SPRED2: variants seen among roughly 807,000 people sequenced by gnomAD.
SPRED2 encodes sprouty related EVH1 domain containing 2, also known as sprouty-related, EVH1 domain-containing protein 2.
A neutral mutation model predicts 43.0 loss-of-function variants in SPRED2; 47 were observed. The observed-to-expected ratio is 1.09, with a 90% confidence interval of 0.87 to 1.40. The LOEUF (loss-of-function observed/expected upper bound fraction) is 1.40, where lower values mean the gene tolerates loss of function less well. SPRED2 is among the 40% of genes most tolerant of loss of function. SPRED2 has a pLI of 0.00. For synonymous variants in SPRED2, 225 were observed against 225.7 expected (o/e 1.00, Z 0.03); for missense variants, 561 against 586.4 (o/e 0.96, Z 0.45).
rs190182681 is a variant in SPRED2, at chr2:65,344,664, C to T, written c.204+55G>A. The T allele has an allele frequency of 9.1e-5, 145 of 1,589,034 alleles. No individual in the cohort carries two copies. The East Asian group carries it at 2.7e-3, about 29-fold the overall frequency. ...TTAAGGAAAGAGGACTATGATTTAACGTAAAGAAAGCAGTTGTTACTAATT... is the reference window on the plus strand; with the variant it reads ...TTAAGGAAAGAGGACTATGATTTAATGTAAAGAAAGCAGTTGTTACTAATT... On this transcript the variant is annotated intron_variant, in intron 2 of 5. Coordinates refer to ENST00000356388, the MANE Select transcript of SPRED2 (RefSeq NM_181784.3).
At chr2:65,334,537 T>C in intron 3 of SPRED2, 68 bp downstream of exon 3, 1 of 1,565,236 alleles carries the variant, frequency 6.4e-7, no homozygotes, top group South Asian at 1.2e-5. Flanking sequence ...GATGGCAGAC[T>C]ATTGGAATTA....
At chr2:65,398,276 A>G (rs1013599097) in intron 1 of SPRED2, among the ~76,000 whole-genome samples, 2 of 152,268 alleles carry the variant, frequency 1.3e-5, no homozygotes, top group African/African-American at 4.8e-5. Context: ...GCTTGAAACC[A>G]AAAAGATTTT....
In SPRED2 at chr2:65,397,731, C is replaced by T. The variant is rs148784964; in HGVS notation, c.26+34231G>A. Among the ~76,000 whole-genome samples, 1,125 of 151,878 alleles carry T rather than the reference C, an allele frequency of 7.4e-3. 10 individuals carry two copies. Among genetic ancestry groups the T allele is most frequent in the Non-Finnish European group, 0.012 (791 of 67,990 alleles). ...AGACAGGAGCCTCATCTTAGCTAGA[C>T]TCCTTTAGACATATCCCCCACTCCA... On this transcript the variant is annotated intron_variant, in intron 1 of 5. Transcript: ENST00000356388.
chr2:65,318,310 A>G (rs1371060945), intron 4 of SPRED2, among the ~76,000 whole-genome samples: 2 of 152,062 alleles, frequency 1.3e-5, no homozygotes, highest in Admixed American at 6.6e-5. Flanking sequence ...TGTCTTTATC[A>G]GCAGCGAGAA....
chr2:65,347,011 C>T (rs1674368795), intron 1 of SPRED2, among the ~76,000 whole-genome samples: 1 of 152,188 alleles, frequency 6.6e-6, no homozygotes, highest in Non-Finnish European at 1.5e-5. Flanking sequence ...TTTAGCCATT[C>T]ATGCCCAGGT....
chr2:65,427,232 C>T (rs539909158), intron 1 of SPRED2, among the ~76,000 whole-genome samples: 4 of 151,430 alleles, frequency 2.6e-5, no homozygotes, highest in East Asian at 1.9e-4. Context: ...CTACCACACG[C>T]GGCTAATTTT....
At chr2:65,371,828 C>A (rs1021531212) in intron 1 of SPRED2, among the ~76,000 whole-genome samples, 1 of 152,030 alleles carries the variant, frequency 6.6e-6, no homozygotes, top group African/African-American at 2.4e-5. Flanking sequence ...CTAATCCCAG[C>A]ACTTTGGGAG....
chr2:65,380,398 C>T (rs565354971), intron 1 of SPRED2, among the ~76,000 whole-genome samples: 9 of 152,284 alleles, frequency 5.9e-5, no homozygotes, highest in African/African-American at 1.7e-4. Context: ...ACTCTACTGG[C>T]GTTCCAGAGA....
chr2:65,344,425 G>A (rs1674279586), intron 2 of SPRED2: 1 of 484,818 alleles, frequency 2.1e-6, no homozygotes, highest in Non-Finnish European at 4.0e-6. Flanking sequence ...GTACACTTTT[G>A]TTTTGAATAC....
rs531519718 is a variant in SPRED2, at chr2:65,361,620, A to G, written c.27-16724T>C. Among the ~76,000 whole-genome samples the G allele has an allele frequency of 3.9e-5, 6 of 152,352 alleles. 1 individual carries two copies. Among genetic ancestry groups the G allele is most frequent in the African/African-American group, 1.4e-4 (6 of 41,570 alleles). Reference sequence around the variant, plus strand: ...AACACACAGATTATTAAACACACACACATAATCACAAGAATTTCCTGACAG... The same window carrying G: ...AACACACAGATTATTAAACACACACGCATAATCACAAGAATTTCCTGACAG... On this transcript the variant is annotated intron_variant, in intron 1 of 5. Coordinates refer to ENST00000356388, the MANE Select transcript of SPRED2 (RefSeq NM_181784.3).
intron 1 of SPRED2, 100 bp downstream of exon 1, chr2:65,431,862 C>T: frequency 2.8e-6 from 4 of 1,423,226 alleles, no homozygotes; most frequent in Non-Finnish European, 3.9e-6. Flanking sequence ...CTGCACCCCA[C>T]GCCAAGTTCA....
intron 4 of SPRED2, among the ~76,000 whole-genome samples, chr2:65,327,713 C>CTTTTTTTTTTTTTTTTTTTT (rs555549300): frequency 2.7e-5 from 2 of 74,446 alleles, no homozygotes; most frequent in African/African-American, 5.1e-5. Flanking sequence ...TTCTTTCTTT[C>CTTTTTTTTTTTTTTTTTTTT]TTTTTTTTTT....
At chr2:65,392,476 T>C (rs1333895173) in intron 1 of SPRED2, among the ~76,000 whole-genome samples, 1 of 152,202 alleles carries the variant, frequency 6.6e-6, no homozygotes, top group Non-Finnish European at 1.5e-5. Flanking sequence ...AAACCCAGTC[T>C]CTTCCAAAAC....
At chr2:65,407,678 G>T (rs1185239907) in intron 1 of SPRED2, among the ~76,000 whole-genome samples, 1 of 152,084 alleles carries the variant, frequency 6.6e-6, no homozygotes, top group Admixed American at 6.6e-5. Context: ...TCCTCAGCTG[G>T]ATCACTTGTC....
intron 1 of SPRED2, among the ~76,000 whole-genome samples, chr2:65,347,880 C>T (rs1180092429): frequency 6.6e-6 from 1 of 152,174 alleles, no homozygotes; most frequent in African/African-American, 2.4e-5. Context: ...TCCACTTCTA[C>T]TGACACTGAC....
chr2:65,383,618 G>T (rs1675427170), intron 1 of SPRED2, among the ~76,000 whole-genome samples: 1 of 152,170 alleles, frequency 6.6e-6, no homozygotes, highest in Admixed American at 6.5e-5. Flanking sequence ...CTGAGATAAG[G>T]CTTTCTGGTT....
At chr2:65,378,721 T>A (rs963428128) in intron 1 of SPRED2, among the ~76,000 whole-genome samples, 11 of 152,216 alleles carry the variant, frequency 7.2e-5, no homozygotes, top group African/African-American at 2.7e-4. Context: ...GATTTTTCAT[T>A]CCATCAACTA....
At chr2:65,388,806 G>A (rs1239951771) in intron 1 of SPRED2, among the ~76,000 whole-genome samples, 1 of 152,156 alleles carries the variant, frequency 6.6e-6, no homozygotes, top group East Asian at 1.9e-4. Flanking sequence ...CCCTGAGCAT[G>A]TGGTTTCATA....
At chr2:65,360,474 G>T in intron 1 of SPRED2, among the ~76,000 whole-genome samples, 1 of 152,216 alleles carries the variant, frequency 6.6e-6, no homozygotes, top group Non-Finnish European at 1.5e-5. Context: ...TACATACAAT[G>T]GAATTATTCC....
Sources: allele counts gnomAD v4.1 joint callset (sites outside exome capture counted in the v4.1 genomes callset), GRCh38; gene constraint gnomAD v4.1.1; transcripts MANE v1.5; gene names NCBI Gene and HGNC (gene_info 2026-07-23, HGNC 2026-07-21).